TNNI3K: variants seen among roughly 807,000 people sequenced by gnomAD.
TNNI3K encodes TNNI3 interacting kinase.
TNNI3K carries 140 observed loss-of-function variants against 114.5 expected under a neutral mutation model. The ratio of observed to expected loss-of-function variants is 1.22; its 90% CI spans 1.07 to 1.41. The LOEUF (loss-of-function observed/expected upper bound fraction) is 1.41, where lower values mean the gene tolerates loss of function less well. Among genes scored for constraint, TNNI3K ranks in the 40% most tolerant of loss-of-function variants. The pLI, the probability that TNNI3K is intolerant of heterozygous loss-of-function variation, is 0.00. For missense variants in TNNI3K, 1,125 were observed against 1,007.6 expected, an observed-to-expected ratio of 1.12 and a Z score of -1.58; for synonymous variants, 347 against 347.5, an observed-to-expected ratio of 1.00 and a Z score of 0.02.
chr1:74,356,953 T>G (rs1661691999), intron 11 of TNNI3K, among the ~76,000 whole-genome samples: 1 of 152,196 alleles, frequency 6.6e-6, no homozygotes, highest in African/African-American at 2.4e-5. Flanking sequence ...TTTGCAAATG[T>G]TCTAGGGCAA....
At chr1:74,245,146 T>G (rs912701593) in intron 2 of TNNI3K, among the ~76,000 whole-genome samples, 1 of 151,896 alleles carries the variant, frequency 6.6e-6, no homozygotes, top group South Asian at 2.1e-4. Context: ...AAAAGAAAGG[T>G]GGGGGGAAGT....
chr1:74,426,419 C>G (rs1665643457), intron 17 of TNNI3K, among the ~76,000 whole-genome samples: 1 of 152,186 alleles, frequency 6.6e-6, no homozygotes, highest in African/African-American at 2.4e-5. Flanking sequence ...GGCTTCTCTT[C>G]TTAATACAGA....
intron 6 of TNNI3K, among the ~76,000 whole-genome samples, chr1:74,332,985 A>AGAGG (rs1217530791): frequency 6.9e-6 from 1 of 144,748 alleles, no homozygotes; most frequent in African/African-American, 2.5e-5. Flanking sequence ...AAAGAGAGAG[A>AGAGG]CAGAGAGAAA....
At chr1:74,513,282 T>C (rs1022897122) in intron 23 of TNNI3K, among the ~76,000 whole-genome samples, 1 of 152,322 alleles carries the variant, frequency 6.6e-6, no homozygotes, top group Admixed American at 6.5e-5. Context: ...TGTGGAAATT[T>C]ACTGAGTCCC....
intron 20 of TNNI3K, among the ~76,000 whole-genome samples, chr1:74,454,750 G>A (rs1003828527): frequency 3.3e-5 from 5 of 152,100 alleles, no homozygotes; most frequent in African/African-American, 1.2e-4. Flanking sequence ...GGGATTGCTG[G>A]ATAATATGGT....
intron 17 of TNNI3K, among the ~76,000 whole-genome samples, chr1:74,398,847 C>G (rs1664214659): frequency 6.6e-6 from 1 of 152,000 alleles, no homozygotes; most frequent in South Asian, 2.1e-4. Flanking sequence ...TCTCAAAAAG[C>G]ATACTACTAA....
At chr1:74,250,366 C>G (rs936497486) in intron 3 of TNNI3K, among the ~76,000 whole-genome samples, 2 of 152,148 alleles carry the variant, frequency 1.3e-5, no homozygotes, top group Non-Finnish European at 2.9e-5. Flanking sequence ...AGCTTTTTCA[C>G]TAATAGTTTA....
rs1448491299 is a variant in TNNI3K at position 74,516,629 on chromosome 1, C to T, written c.2352-23605C>T. ...GACCGTGGGACCTTGCTACTATGGG[C>T]CATGGGACCTCAACAGTAAGTGGCA... On this transcript the variant is annotated intron_variant, in intron 23 of 24. Transcript: ENST00000326637. Among the ~76,000 whole-genome samples, 3 of 152,066 alleles carry T rather than the reference C, an allele frequency of 2.0e-5. No individual in the cohort carries two copies. In the East Asian group the frequency reaches 5.8e-4, roughly 29 times the overall value.
At chr1:74,390,555 C>T (rs566654951) in intron 17 of TNNI3K, among the ~76,000 whole-genome samples, 78 of 151,760 alleles carry the variant, frequency 5.1e-4, no homozygotes, top group African/African-American at 1.6e-3. Flanking sequence ...TTTATTTTAC[C>T]AAGATTTATT....
At chr1:74,437,235 T>G (rs1666175689) in intron 19 of TNNI3K, among the ~76,000 whole-genome samples, 1 of 152,082 alleles carries the variant, frequency 6.6e-6, no homozygotes, top group Non-Finnish European at 1.5e-5. Context: ...ACCTCTCACT[T>G]CCTGCTGCTT....
At chr1:74,477,940 C>CT (rs1420066965) in intron 21 of TNNI3K, among the ~76,000 whole-genome samples, 3 of 152,104 alleles carry the variant, frequency 2.0e-5, no homozygotes, top group Non-Finnish European at 4.4e-5. Flanking sequence ...TTCATAAAAA[C>CT]TTTTTATCTA....
intron 23 of TNNI3K, among the ~76,000 whole-genome samples, chr1:74,516,912 T>C (rs1320152453): frequency 6.6e-6 from 1 of 152,190 alleles, no homozygotes; most frequent in African/African-American, 2.4e-5. Flanking sequence ...GTTAACTACA[T>C]GATAGACAGT....
chr1:74,259,915 G>A (rs1159425001), intron 4 of TNNI3K, among the ~76,000 whole-genome samples: 1 of 152,104 alleles, frequency 6.6e-6, no homozygotes, highest in East Asian at 1.9e-4. Flanking sequence ...CAACCAGAAT[G>A]TACATTTTTA....
At chr1:74,361,112 A>T (rs1003091237) in intron 11 of TNNI3K, among the ~76,000 whole-genome samples, 2 of 152,136 alleles carry the variant, frequency 1.3e-5, no homozygotes, top group Non-Finnish European at 2.9e-5. Flanking sequence ...TGTAAATATC[A>T]TAGGTTCCTT....
intron 23 of TNNI3K, among the ~76,000 whole-genome samples, chr1:74,511,695 C>G (rs1395969543): frequency 6.6e-6 from 1 of 151,984 alleles, no homozygotes; most frequent in Admixed American, 6.6e-5. Flanking sequence ...GAGAAACACA[C>G]AGGAAGATAA....
intron 23 of TNNI3K, among the ~76,000 whole-genome samples, chr1:74,531,872 G>T (rs1344829979): frequency 6.6e-6 from 1 of 152,160 alleles, no homozygotes; most frequent in Non-Finnish European, 1.5e-5. Flanking sequence ...ATGACAGACG[G>T]CAATAAACCA....
At chr1:74,470,821 G>A (rs1667890497) in intron 21 of TNNI3K, 1 of 400,624 alleles carries the variant, frequency 2.5e-6, no homozygotes, top group East Asian at 3.6e-5. Context: ...AGTCTTGTGA[G>A]CATCTAAAAG....
At chr1:74,469,826 T>C (rs1224116536) in intron 21 of TNNI3K, 1 of 399,880 alleles carries the variant, frequency 2.5e-6, no homozygotes. Flanking sequence ...GTTTGTCCTC[T>C]TGAAGAAAGC....
chr1:74,420,040 TAAGAG>T (rs1665319855), intron 17 of TNNI3K, among the ~76,000 whole-genome samples: 1 of 152,048 alleles, frequency 6.6e-6, no homozygotes. Flanking sequence ...GGAAGAGCGA[TAAGAG>T]AAAAGACAAA....
Sources: gnomAD v4.1 joint callset for allele counts (sites outside exome capture counted in the v4.1 genomes callset) on GRCh38, gnomAD v4.1.1 for gene constraint, MANE v1.5 for transcripts, NCBI Gene and HGNC (gene_info 2026-07-23, HGNC 2026-07-21) for gene names.